The following AR variants were observed in gnomAD, a reference collection of about 807,000 sequenced individuals.
The protein encoded by AR is androgen receptor.
In AR, 8 loss-of-function variants were observed where a neutral mutation model predicts 53.9. That is an observed-to-expected ratio of 0.15 (90% CI 0.09 to 0.27). The LOEUF is 0.27. Among genes scored for constraint, AR ranks in the 10% least tolerant of loss-of-function variants. The pLI, the probability that AR is intolerant of heterozygous loss-of-function variation, is 1.00. For synonymous variants in AR, 359 were observed against 316.4 expected, an observed-to-expected ratio of 1.13 and a Z score of -1.43; for missense variants, 639 against 742.5, an observed-to-expected ratio of 0.86 and a Z score of 1.62.
At chrX:67,691,598 G>T (rs1042550013) in intron 3 of AR, among the ~76,000 whole-genome samples, 1 of 111,344 alleles carries the variant, frequency 9.0e-6, no homozygotes, top group African/African-American at 3.3e-5. Context: ...ACTGTTCTCT[G>T]GAATACACTT....
At position 67,730,184 on chromosome X, in the gene AR, AAGAG is replaced by A. The variant is rs1471345361; in HGVS notation, c.*6351_*6354del. 1 of 69,924 alleles carries A rather than the reference AAGAG, an allele frequency of 1.4e-5. No homozygotes were observed. The highest frequency in any genetic ancestry group is 8.6e-5 in the African/African-American group (1 of 11,687). 5.8% of individuals were successfully genotyped at this position (69,924 alleles called of 1,213,427 possible). ...AATATTGAAGGAAAAAAGAAATAAG[AAGAG>A]AGAGAGAAAGAAAGCATCACACAAA... On this transcript the variant is annotated 3_prime_UTR_variant, in exon 8 of 8. Transcript: ENST00000374690.
intron 3 of AR, among the ~76,000 whole-genome samples, chrX:67,690,931 G>A: frequency 8.9e-6 from 1 of 111,786 alleles, no homozygotes; most frequent in Middle Eastern, 4.6e-3. Flanking sequence ...CAGAGCTGGG[G>A]AAATGGTAAG....
intron 2 of AR, among the ~76,000 whole-genome samples, chrX:67,648,659 A>G (rs1210418418): frequency 8.9e-6 from 1 of 112,356 alleles, no homozygotes; most frequent in Non-Finnish European, 1.9e-5. Flanking sequence ...TTCGGGAGCC[A>G]TGCCAAGAAT....
intron 3 of AR, among the ~76,000 whole-genome samples, chrX:67,691,943 G>C (rs1187767010): frequency 1.8e-5 from 2 of 112,036 alleles, no homozygotes; most frequent in African/African-American, 6.5e-5. Flanking sequence ...TGCTAAAGAA[G>C]TTATTTCTAA....
At chrX:67,600,760 A>C (rs1001744005) in intron 1 of AR, among the ~76,000 whole-genome samples, 2 of 111,708 alleles carry the variant, frequency 1.8e-5, no homozygotes, top group African/African-American at 6.5e-5. Flanking sequence ...CTCATTCTCT[A>C]TAATGTGATT....
chrX:67,717,752 G>A, intron 5 of AR, 130 bp downstream of exon 5: 1 of 983,821 alleles, frequency 1.0e-6, no homozygotes, highest in East Asian at 3.3e-5. Context: ...GGATGCCCCA[G>A]CCAGCCAATC....
intron 1 of AR, among the ~76,000 whole-genome samples, chrX:67,569,958 G>T (rs1349400870): frequency 1.8e-5 from 2 of 111,635 alleles, no homozygotes; most frequent in Admixed American, 9.5e-5. Context: ...ATTTCTCTGG[G>T]TGTATATCCC....
chrX:67,705,332 TTTGTAGTTC>T (rs1240491600), intron 3 of AR, among the ~76,000 whole-genome samples: 3 of 111,233 alleles, frequency 2.7e-5, no homozygotes, highest in African/African-American at 9.8e-5. Flanking sequence ...TGAGCAGTGG[TTTGTAGTTC>T]TCCTTGAAGA....
intron 1 of AR, among the ~76,000 whole-genome samples, chrX:67,631,543 A>G (rs1483511805): frequency 2.7e-5 from 3 of 111,710 alleles, no homozygotes; most frequent in African/African-American, 9.8e-5. Flanking sequence ...ACATTCTTCT[A>G]AATTTTTTTC....
chrX:67,629,023 G>T (rs997799644), intron 1 of AR, among the ~76,000 whole-genome samples: 1 of 111,529 alleles, frequency 9.0e-6, no homozygotes, highest in African/African-American at 3.3e-5. Flanking sequence ...TTGATGTGCT[G>T]CTGGATTCCG....
At chrX:67,562,216 G>A (rs954401709) in intron 1 of AR, among the ~76,000 whole-genome samples, 2 of 109,352 alleles carry the variant, frequency 1.8e-5, no homozygotes, top group East Asian at 2.9e-4. Context: ...CGCCTGCCTC[G>A]GCCTCCCAAA....
At position 67,722,844 on chromosome X, in the gene AR, A is replaced by C; in HGVS notation, c.2467A>C (p.Lys823Gln). ...CACATCAGTTCCAGTGGATGGGCTG[A>C]AAAATCAAAAATTCTTTGATGAACT... ...LFSIIPVDGL[K>Q]NQKFFDELRM... The change falls in exon 7 of 8, where the codon AAA becomes CAA. Residue 823 changes from lysine (K) to glutamine (Q), a missense_variant. Coordinates refer to ENST00000374690, the MANE Select transcript of AR (RefSeq NM_000044.6). The C allele has an allele frequency of 8.3e-7, 1 of 1,211,323 alleles. No homozygotes were observed. Among genetic ancestry groups the C allele is most frequent in the East Asian group, 3.0e-5 (1 of 33,775 alleles).
At chrX:67,609,393 A>G (rs1008874012) in intron 1 of AR, among the ~76,000 whole-genome samples, 3 of 111,499 alleles carry the variant, frequency 2.7e-5, no homozygotes, top group South Asian at 3.7e-4. Context: ...TTTCGCTGCA[A>G]TCTCAACAAC....
chrX:67,719,173 GCTAAGAATAACCA>G (rs1338271618), intron 5 of AR, among the ~76,000 whole-genome samples: 3 of 111,904 alleles, frequency 2.7e-5, no homozygotes, highest in African/African-American at 9.8e-5. Flanking sequence ...GTAGCCAAAA[GCTAAGAATAACCA>G]CTAGGCTTTT....
chrX:67,723,312 C>CTGTGTGTGTGTG (rs796606484), intron 7 of AR, among the ~76,000 whole-genome samples: 24 of 78,016 alleles, frequency 3.1e-4, no homozygotes, highest in African/African-American at 1.2e-3. Flanking sequence ...GTTTGTCTGT[C>CTGTGTGTGTGTG]TGTGTGTGTG....
chrX:67,609,987 G>T (rs1281153499), intron 1 of AR, among the ~76,000 whole-genome samples: 1 of 111,530 alleles, frequency 9.0e-6, no homozygotes, highest in Non-Finnish European at 1.9e-5. Flanking sequence ...CAAGAAGGAG[G>T]TAGGGATTAT....
intron 1 of AR, among the ~76,000 whole-genome samples, chrX:67,615,115 A>ACAT (rs2147390423): frequency 9.0e-6 from 1 of 111,042 alleles, no homozygotes; most frequent in South Asian, 3.7e-4. Flanking sequence ...TCTTAAAGAC[A>ACAT]CATCATTAGG....
intron 1 of AR, among the ~76,000 whole-genome samples, chrX:67,610,150 G>A (rs1032733298): frequency 2.7e-5 from 3 of 111,218 alleles, no homozygotes; most frequent in Non-Finnish European, 3.8e-5. Context: ...TAATTCAAAG[G>A]GAGCTGTCCT....
rs1383479632 is a variant in AR, at chrX:67,546,511, T to TGGTGGCGGCGGCGGCGGCGGC, written c.1368_1388dup (p.Gly467_Gly473dup). 2.0e-6 allele frequency: 1 copy of TGGTGGCGGCGGCGGCGGCGGC among 510,792 alleles called. No individual in the cohort carries two copies. The highest frequency in any genetic ancestry group is 5.8e-5 in the Admixed American group (1 of 17,271). The allele number at this position is 510,792 out of a possible 1,213,427, so 42.1% of individuals were successfully genotyped here. On this transcript the variant is annotated inframe_insertion, in exon 1 of 8. Coordinates refer to ENST00000374690, the MANE Select transcript of AR (RefSeq NM_000044.6). ...ATGGACCGTGTGGTGGTGGTGGGGG[T>TGGTGGCGGCGGCGGCGGCGGC]GGTGGCGGCGGCGGCGGCGGCGGCG...
Sources: gnomAD v4.1 joint callset for allele counts (sites outside exome capture counted in the v4.1 genomes callset) on GRCh38, gnomAD v4.1.1 for gene constraint, MANE v1.5 for transcripts, NCBI Gene and HGNC (gene_info 2026-07-23, HGNC 2026-07-21) for gene names.